Variants in C2orf92 observed in about 807,000 individuals in gnomAD.
C2orf92 encodes the protein chromosome 2 open reading frame 92.
At chr2:97,680,186 C>T (rs1212205108) in intron 3 of C2orf92, among the ~76,000 whole-genome samples, 1 of 152,128 alleles carries the variant, frequency 6.6e-6, no homozygotes, top group Non-Finnish European at 1.5e-5. Flanking sequence ...GTAATCCCAG[C>T]TATTTGGGAG....
chr2:97,663,986 C>G (rs1489695033), upstream of C2orf92: 1 of 755,352 alleles, frequency 1.3e-6, no homozygotes, highest in Non-Finnish European at 1.8e-6. Flanking sequence ...GCTCCCGACG[C>G]GGCGCCGCTG....
chr2:97,691,139 C>T (rs192373579), intron 5 of C2orf92: 1 of 152,402 alleles, frequency 6.6e-6, no homozygotes, highest in East Asian at 1.9e-4. Context: ...ATGAAGAGTT[C>T]CCTAATCAAT....
At chr2:97,686,346 A>G (rs1293916583) in intron 3 of C2orf92, among the ~76,000 whole-genome samples, 2 of 152,212 alleles carry the variant, frequency 1.3e-5, no homozygotes, top group African/African-American at 4.8e-5. Context: ...TTGGGAATCA[A>G]ATTTCCAGCA....
In C2orf92 at chr2:97,673,230, G is replaced by A. The variant is rs1349065396; in HGVS notation, c.47-1226G>A. Among the ~76,000 whole-genome samples, 3 of 152,166 alleles carry A rather than the reference G, an allele frequency of 2.0e-5. No homozygotes were observed. In the East Asian group the frequency reaches 5.8e-4, roughly 29 times the overall value. On this transcript the variant is annotated intron_variant, in intron 1 of 7. Coordinates refer to ENST00000627399, the MANE Select transcript of C2orf92 (RefSeq NM_001351368.2). ...CTTTGTGTCTGTCGGGTCCCAGGCA[G>A]TCACATCCCAGGAAGTGCTGGGGTT...
upstream of C2orf92, chr2:97,664,071 C>T (rs1559292128): frequency 3.4e-6 from 1 of 297,862 alleles, no homozygotes; most frequent in Non-Finnish European, 6.1e-6. Context: ...GGCCAATCAT[C>T]GCTCCCACCT....
chr2:97,665,806 C>T (rs1036489453), upstream of C2orf92: 1 of 146,838 alleles, frequency 6.8e-6, no homozygotes, highest in African/African-American at 2.5e-5. Flanking sequence ...GAGACAGGGT[C>T]TCACCTTGTT....
intron 2 of C2orf92, among the ~76,000 whole-genome samples, chr2:97,674,920 G>A (rs1179133597): frequency 1.3e-5 from 2 of 152,144 alleles, no homozygotes; most frequent in Non-Finnish European, 1.5e-5. Flanking sequence ...GTTCACCAGC[G>A]CTTTATAGGT....
chr2:97,694,210 T>C (rs1290181326), intron 5 of C2orf92, among the ~76,000 whole-genome samples: 2 of 152,086 alleles, frequency 1.3e-5, no homozygotes, highest in Non-Finnish European at 2.9e-5. Context: ...TTCATCCATG[T>C]TGTGGCATAT....
At chr2:97,672,498 G>A (rs1675448264) in intron 1 of C2orf92, 1 of 152,088 alleles carries the variant, frequency 6.6e-6, no homozygotes, top group South Asian at 2.1e-4. Flanking sequence ...CTGCTGTCTA[G>A]GAGGCAGAAG....
Position 97,688,921 on chromosome 2 carries a change from A to G in C2orf92, c.259A>G (p.Lys87Glu), listed in dbSNP as rs1386122234. ...TGAAATTCTACTGCAGGTGTTTCCAAAGTTTCCGTATGACCCATCATTTAA... is the reference window on the plus strand; with the variant it reads ...TGAAATTCTACTGCAGGTGTTTCCAGAGTTTCCGTATGACCCATCATTTAA... Reference protein sequence around the residue: ...FDEILLQVFPKFPYDPSFNEA... With the variant: ...FDEILLQVFPEFPYDPSFNEA... The change falls in exon 4 of 8, where the codon AAG (lysine) becomes GAG (glutamate). Residue 87 changes from lysine (K) to glutamate (E), a missense_variant. Lys to Glu is a moderately conservative substitution (Grantham distance 56). Transcript: ENST00000627399. 1 of 398,496 alleles carries G rather than the reference A, an allele frequency of 2.5e-6. No homozygotes were observed. Among genetic ancestry groups the G allele is most frequent in the African/African-American group, 2.1e-5 (1 of 48,636 alleles). 24.7% of individuals were successfully genotyped at this position (398,496 alleles called of 1,614,324 possible).
intron 5 of C2orf92, among the ~76,000 whole-genome samples, chr2:97,690,608 C>T (rs532813876): frequency 7.2e-5 from 11 of 152,136 alleles, no homozygotes; most frequent in Non-Finnish European, 1.5e-4. Context: ...GTCTCGATCT[C>T]CTGACCTCGT....
chr2:97,697,810 C>T (rs1157867976), intron 5 of C2orf92: 3 of 152,124 alleles, frequency 2.0e-5, no homozygotes, highest in Non-Finnish European at 2.9e-5. Flanking sequence ...TCTCTGCAGC[C>T]TTGATCTCCT....
intron 1 of C2orf92, among the ~76,000 whole-genome samples, chr2:97,674,037 G>A (rs1327129896): frequency 6.6e-6 from 1 of 152,156 alleles, no homozygotes; most frequent in Admixed American, 6.5e-5. Flanking sequence ...GACGTATAGT[G>A]GCTTAAACAA....
intron 3 of C2orf92, among the ~76,000 whole-genome samples, chr2:97,688,466 G>A (rs1253652392): frequency 6.6e-6 from 1 of 152,192 alleles, no homozygotes; most frequent in African/African-American, 2.4e-5. Flanking sequence ...TAACCCTCAT[G>A]AATTAGCAAC....
chr2:97,665,772 T>C, upstream of C2orf92: 1 of 139,424 alleles, frequency 7.2e-6, no homozygotes, highest in South Asian at 2.4e-4. Context: ...TATATATATA[T>C]ATTTTGTTTT....
Position 97,702,618 on chromosome 2 carries a change from G to A in C2orf92, c.666-51G>A, listed in dbSNP as rs17030043. Reference sequence around the variant, plus strand: ...ACCACTGCCCAGCGAGTAGACAGCAGGACTCCTGTGCGCTGAGCTGAGCAC... The same window carrying A: ...ACCACTGCCCAGCGAGTAGACAGCAAGACTCCTGTGCGCTGAGCTGAGCAC... On this transcript the variant is annotated intron_variant, in intron 7 of 7. Transcript: ENST00000627399. 8.0e-3 allele frequency: 3,190 copies of A among 398,702 alleles called. 94 individuals are homozygous for A. The highest frequency in any genetic ancestry group is 0.061 in the African/African-American group (2,974 of 48,704). 24.7% of individuals were successfully genotyped at this position (398,702 alleles called of 1,614,324 possible). A position where few individuals can be genotyped will look rare whatever the true frequency, so the allele number is the denominator to read the frequency against.
At chr2:97,684,966 G>T (rs1359866836) in intron 3 of C2orf92, among the ~76,000 whole-genome samples, 2 of 149,128 alleles carry the variant, frequency 1.3e-5, no homozygotes, top group Admixed American at 6.7e-5. Context: ...GTCTTGTTCT[G>T]TCACCCAGGC....
At chr2:97,674,435 C>A in intron 1 of C2orf92, 21 bp from the exon 2 acceptor site, 2 of 398,496 alleles carry the variant, frequency 5.0e-6, no homozygotes, top group Non-Finnish European at 8.8e-6. Context: ...TATTAACATG[C>A]CTTTGTTTGC....
At chr2:97,676,242 G>A (rs952245216) in intron 3 of C2orf92, among the ~76,000 whole-genome samples, 3 of 151,820 alleles carry the variant, frequency 2.0e-5, no homozygotes, top group African/African-American at 7.3e-5. Context: ...GATGAGCCTG[G>A]CCAACATGGT....
Sources: allele counts gnomAD v4.1 joint callset (sites outside exome capture counted in the v4.1 genomes callset), GRCh38; gene constraint gnomAD v4.1.1; transcripts MANE v1.5; gene names NCBI Gene and HGNC (gene_info 2026-07-23, HGNC 2026-07-21).